HGSNAT: variants seen among roughly 807,000 people sequenced by gnomAD.
HGSNAT encodes transmembrane protein 76.
In HGSNAT, 59 loss-of-function variants were observed where a neutral mutation model predicts 85.2. The ratio of observed to expected loss-of-function variants is 0.69; its 90% confidence interval spans 0.56 to 0.86. HGSNAT has a LOEUF of 0.86. Ranked by LOEUF, HGSNAT falls within the 40% of genes least tolerant of loss-of-function variation. The probability of loss-of-function intolerance (pLI) is 0.00; values close to 1 mark genes in which losing one functional copy is unlikely to be tolerated. For missense variants in HGSNAT, 756 were observed against 777.1 expected, an observed-to-expected ratio of 0.97 and a Z score of 0.32; for synonymous variants, 321 against 304.5, an observed-to-expected ratio of 1.05 and a Z score of -0.56.
intron 2 of HGSNAT, among the ~76,000 whole-genome samples, chr8:43,153,730 C>A (rs1252300116): frequency 6.6e-6 from 1 of 152,112 alleles, no homozygotes; most frequent in Non-Finnish European, 1.5e-5. Flanking sequence ...TTCCTACTAA[C>A]CTCTATTTAC....
At chr8:43,144,689 C>T (rs981648165) in intron 1 of HGSNAT, among the ~76,000 whole-genome samples, 1 of 152,050 alleles carries the variant, frequency 6.6e-6, no homozygotes, top group South Asian at 2.1e-4. Context: ...GCCTAGAGAA[C>T]CAAAAGCTAT....
chr8:43,156,001 C>T (rs531060492), intron 2 of HGSNAT, among the ~76,000 whole-genome samples: 70 of 152,152 alleles, frequency 4.6e-4, no homozygotes, highest in African/African-American at 1.5e-3. Flanking sequence ...CTACCATGCC[C>T]GGCTAATTTT....
intron 2 of HGSNAT, among the ~76,000 whole-genome samples, chr8:43,155,660 C>T (rs1803068717): frequency 6.6e-6 from 1 of 152,076 alleles, no homozygotes; most frequent in African/African-American, 2.4e-5. Context: ...TGCAATGTTT[C>T]CCCCATGCTT....
chr8:43,195,522 G>T (rs953178838), intron 14 of HGSNAT, among the ~76,000 whole-genome samples: 1 of 138,472 alleles, frequency 7.2e-6, no homozygotes, highest in Non-Finnish European at 1.5e-5. Flanking sequence ...GGAGGAAGAA[G>T]AGGAGGAAGA....
chr8:43,195,906 T>C (rs1804713724), intron 14 of HGSNAT: 1 of 157,742 alleles, frequency 6.3e-6, no homozygotes, highest in African/African-American at 2.4e-5. Flanking sequence ...AGCTGTACAT[T>C]TTGGTGATGA....
chr8:43,198,533 C>T (rs1216268882), intron 17 of HGSNAT, among the ~76,000 whole-genome samples: 6 of 152,076 alleles, frequency 3.9e-5, no homozygotes, highest in East Asian at 1.9e-4. Context: ...GTGATCCGCC[C>T]GCCTCGGCCT....
intron 1 of HGSNAT, among the ~76,000 whole-genome samples, chr8:43,140,985 TC>T (rs1370006142): frequency 6.6e-6 from 1 of 152,156 alleles, no homozygotes; most frequent in African/African-American, 2.4e-5. Flanking sequence ...CAGCCGAGGA[TC>T]GGGGGGGCTC....
intron 9 of HGSNAT, among the ~76,000 whole-genome samples, chr8:43,177,330 T>A (rs1405210436): frequency 2.0e-5 from 3 of 151,530 alleles, no homozygotes; most frequent in Non-Finnish European, 4.4e-5. Flanking sequence ...GGCGGGCGGA[T>A]CACAAGGTCG....
intron 2 of HGSNAT, among the ~76,000 whole-genome samples, chr8:43,155,457 A>G (rs1229777522): frequency 6.6e-6 from 1 of 152,066 alleles, no homozygotes; most frequent in Admixed American, 6.6e-5. Flanking sequence ...TTAAAAAATG[A>G]GCCTTTTTTT....
At chr8:43,193,332 A>G (rs1804604600) in intron 13 of HGSNAT, among the ~76,000 whole-genome samples, 1 of 152,216 alleles carries the variant, frequency 6.6e-6, no homozygotes, top group Non-Finnish European at 1.5e-5. Context: ...AAAGAAACAT[A>G]TTTAAAAATG....
intron 6 of HGSNAT, among the ~76,000 whole-genome samples, chr8:43,169,958 C>T (rs1412388044): frequency 5.3e-5 from 8 of 152,028 alleles, no homozygotes; most frequent in Non-Finnish European, 1.2e-4. Flanking sequence ...GTAGCTGGGA[C>T]TACAGGTGTG....
Position 43,158,899 on chromosome 8 carries a change from C to T in HGSNAT, c.372-24C>T, listed in dbSNP as rs781524458. The T allele has an allele frequency of 1.8e-5, 29 of 1,593,466 alleles. No homozygotes were observed. In the South Asian group the frequency reaches 2.0e-4, roughly 11 times the overall value. On this transcript the variant is annotated intron_variant, in intron 3 of 17. Coordinates refer to ENST00000379644, the MANE Select transcript of HGSNAT (RefSeq NM_152419.3). ...CTTATTTTCTAATCTAACCACTTGT[C>T]TTAATTTTACCTAATGTTTGTAGGT...
chr8:43,165,169 A>G (rs1424862623), intron 5 of HGSNAT, among the ~76,000 whole-genome samples: 4 of 145,478 alleles, frequency 2.7e-5, no homozygotes, highest in Non-Finnish European at 5.9e-5. Flanking sequence ...TTGTCTTTGC[A>G]TTACATTTTG....
Position 43,168,889 on chromosome 8 carries a change from C to A in HGSNAT, c.564-284C>A, listed in dbSNP as rs192377293. ...ATAGTATTATTAGTGAGAATCCCAG[C>A]CACGGGGAATAGTTACCTCATTTAC... On this transcript the variant is annotated intron_variant, in intron 5 of 17. Coordinates refer to ENST00000379644, the MANE Select transcript of HGSNAT (RefSeq NM_152419.3). Among the ~76,000 whole-genome samples, 170 of 152,244 alleles carry A rather than the reference C, an allele frequency of 1.1e-3. 1 individual carries two copies. Among genetic ancestry groups the A allele is most frequent in the Non-Finnish European group, 1.2e-3 (84 of 68,018 alleles).
chr8:43,199,682 C>A lies in HGSNAT; in HGVS notation c.*113C>A. The A allele has an allele frequency of 1.3e-6, 1 of 793,202 alleles. No individual in the cohort carries two copies. Among genetic ancestry groups the A allele is most frequent in the Non-Finnish European group, 1.8e-6 (1 of 544,528 alleles). 49.1% of individuals were successfully genotyped at this position (793,202 alleles called of 1,614,324 possible). A position where few individuals can be genotyped will look rare whatever the true frequency, so the allele number is the denominator to read the frequency against. ...AGGAAATTGACTGGCTGCGTGTTTA[C>A]AGACTCTGGGGGAAGACACTGATGT... On this transcript the variant is annotated 3_prime_UTR_variant, in exon 18 of 18. Coordinates refer to ENST00000379644, the MANE Select transcript of HGSNAT (RefSeq NM_152419.3).
intron 5 of HGSNAT, among the ~76,000 whole-genome samples, chr8:43,168,409 T>TTTTTA: frequency 6.9e-6 from 1 of 144,556 alleles, no homozygotes; most frequent in African/African-American, 2.6e-5. Context: ...TTTTTTTTTT[T>TTTTTA]GAGATGGAGT....
intron 13 of HGSNAT, 117 bp downstream of exon 13, chr8:43,192,547 A>G: frequency 8.8e-7 from 1 of 1,137,024 alleles, no homozygotes; most frequent in Non-Finnish European, 1.2e-6. Context: ...CTGAGAACTG[A>G]TGATTATTTG....
At position 43,197,849 on chromosome 8, in the gene HGSNAT, G is replaced by A. The variant is rs372909374; in HGVS notation, c.1623G>A (p.Ser541=). ...IPVNKNLWSL[S]YVTTLSSFAF... is the part of the protein sequence containing the mutation. ...CCTCCACCCCTCCCAGGTCCCTTTC[G>A]TATGTCACTACGCTCAGTTCTTTTG... Residue 541 remains serine (S), a synonymous_variant, in exon 17 of 18, where the codon TCG becomes TCA. Transcript: ENST00000379644. The A allele has an allele frequency of 9.0e-5, 145 of 1,613,872 alleles. No homozygotes were observed. In the African/African-American group the frequency reaches 1.5e-3, roughly 17 times the overall value.
intron 10 of HGSNAT, 64 bp from the exon 11 acceptor site, chr8:43,182,081 A>G: frequency 8.2e-7 from 1 of 1,224,228 alleles, no homozygotes; most frequent in Non-Finnish European, 1.2e-6. Flanking sequence ...GAAACAAATA[A>G]TGTTGTCCTG....
Sources: gnomAD v4.1 joint callset for allele counts (sites outside exome capture counted in the v4.1 genomes callset) on GRCh38, gnomAD v4.1.1 for gene constraint, MANE v1.5 for transcripts, NCBI Gene and HGNC (gene_info 2026-07-23, HGNC 2026-07-21) for gene names.